The following NR3C2 variants were observed in gnomAD, a reference collection of about 807,000 sequenced individuals.
NR3C2 encodes the protein nuclear receptor subfamily 3 group C member 2.
NR3C2 carries 15 observed loss-of-function variants against 86.4 expected under a neutral mutation model. That is an observed-to-expected ratio of 0.17 (90% CI 0.12 to 0.27). NR3C2 has a LOEUF of 0.27. NR3C2 is among the 10% of genes least tolerant of loss of function. The pLI is 1.00. For missense variants in NR3C2, 960 were observed against 1,195.6 expected (o/e 0.80, Z 2.91); for synonymous variants, 458 against 450.5 (o/e 1.02, Z -0.21).
rs775989870 is a variant in NR3C2, at chr4:148,179,542, A to C, written c.2014+15204T>G. ...GGCATGAGTGAGTTCATAAAACTGC[A>C]TGTATTTCTGGGGAGGGATGAACAT... On this transcript the variant is annotated intron_variant, in intron 4 of 8. Transcript: ENST00000358102. Among the ~76,000 whole-genome samples, 23 of 151,750 alleles carry C rather than the reference A, an allele frequency of 1.5e-4. 1 individual carries two copies. The highest frequency in any genetic ancestry group is 3.1e-4 in the Non-Finnish European group (21 of 67,868).
intron 2 of NR3C2, among the ~76,000 whole-genome samples, chr4:148,297,617 G>A (rs183601396): frequency 2.0e-5 from 3 of 152,160 alleles, no homozygotes; most frequent in Non-Finnish European, 2.9e-5. Context: ...AAAGTAGACA[G>A]GTGTAGTGGT....
rs568926136 is a variant in NR3C2, at chr4:148,209,192, C to T, written c.1898-14330G>A. On this transcript the variant is annotated intron_variant, in intron 3 of 8. Transcript: ENST00000358102. ...CCAGGAGGCAGAGGTTGCAGTGAGC[C>T]GAAATAGTGCGACTGCACTCCAGCC... 8.1e-5 allele frequency among the ~76,000 whole-genome samples: 12 copies of T among 148,376 alleles called. No individual in the cohort carries two copies. The South Asian group carries it at 2.1e-3, about 26-fold the overall frequency.
chr4:148,105,602 G>A (rs1731760099), intron 8 of NR3C2, among the ~76,000 whole-genome samples: 1 of 152,196 alleles, frequency 6.6e-6, no homozygotes, highest in African/African-American at 2.4e-5. Flanking sequence ...AAATATCCCT[G>A]AGGAACATCG....
intron 3 of NR3C2, among the ~76,000 whole-genome samples, chr4:148,233,504 G>T (rs1352446208): frequency 6.6e-6 from 1 of 151,878 alleles, no homozygotes; most frequent in Non-Finnish European, 1.5e-5. Flanking sequence ...GGGACCACAG[G>T]TACATGCCAC....
At chr4:148,225,496 T>C (rs1016691118) in intron 3 of NR3C2, among the ~76,000 whole-genome samples, 4 of 152,140 alleles carry the variant, frequency 2.6e-5, no homozygotes, top group African/African-American at 9.6e-5. Flanking sequence ...CATAACAATG[T>C]TATGAATTCT....
At chr4:148,431,653 T>C (rs1397896060) in intron 2 of NR3C2, among the ~76,000 whole-genome samples, 1 of 152,300 alleles carries the variant, frequency 6.6e-6, no homozygotes, top group African/African-American at 2.4e-5. Flanking sequence ...TCTCACTGAA[T>C]GCCCACAGAC....
intron 7 of NR3C2, among the ~76,000 whole-genome samples, chr4:148,119,785 CAA>C (rs34625634): frequency 4.9e-5 from 6 of 122,066 alleles, no homozygotes; most frequent in Non-Finnish European, 6.8e-5. Context: ...GACTTCATCT[CAA>C]AAAAAAAAAA....
At chr4:148,310,526 A>C (rs72728499) in intron 2 of NR3C2, among the ~76,000 whole-genome samples, 26 of 152,082 alleles carry the variant, frequency 1.7e-4, no homozygotes, top group Non-Finnish European at 3.4e-4. Context: ...AAGATCTTTC[A>C]TAAGTCTCTA....
intron 8 of NR3C2, among the ~76,000 whole-genome samples, chr4:148,096,284 TG>T (rs1183300277): frequency 6.6e-6 from 1 of 152,246 alleles, no homozygotes; most frequent in Non-Finnish European, 1.5e-5. Flanking sequence ...GGCATGTTAC[TG>T]TATATAGAAG....
intron 4 of NR3C2, among the ~76,000 whole-genome samples, chr4:148,167,726 G>C (rs1195157959): frequency 6.6e-6 from 1 of 152,132 alleles, no homozygotes; most frequent in Non-Finnish European, 1.5e-5. Context: ...TCTATACCAG[G>C]TTACTTTTCT....
At chr4:148,362,365 G>A (rs12506058) in intron 2 of NR3C2, among the ~76,000 whole-genome samples, 18,147 of 152,130 alleles carry the variant, frequency 0.12, 1,150 homozygotes, top group Middle Eastern at 0.16. Flanking sequence ...GATGATGAAT[G>A]TATTAATTAC....
At chr4:148,118,115 G>A (rs1732352358) in intron 7 of NR3C2, among the ~76,000 whole-genome samples, 1 of 152,108 alleles carries the variant, frequency 6.6e-6, no homozygotes, top group Non-Finnish European at 1.5e-5. Flanking sequence ...GTTGGAAAAT[G>A]CCTGTGCTGT....
At chr4:148,444,043 T>A (rs1750480013), upstream of NR3C2, 1 of 985,066 alleles carries the variant, frequency 1.0e-6, no homozygotes. Context: ...CGTCCCAACT[T>A]TCCCGCGGGG....
intron 2 of NR3C2, among the ~76,000 whole-genome samples, chr4:148,424,110 A>G (rs116265571): frequency 1.3e-3 from 200 of 152,378 alleles, no homozygotes; most frequent in African/African-American, 4.6e-3. Context: ...ACTCAAAAAG[A>G]TGAAAAACAC....
intron 2 of NR3C2, among the ~76,000 whole-genome samples, chr4:148,425,896 T>G (rs1371720581): frequency 6.6e-6 from 1 of 152,166 alleles, no homozygotes; most frequent in Non-Finnish European, 1.5e-5. Flanking sequence ...TGTAAAATAG[T>G]GACGGCAGTC....
In NR3C2 at chr4:148,417,907, T is replaced by C. The variant is rs561601832; in HGVS notation, c.1757+17197A>G. 8.5e-5 allele frequency among the ~76,000 whole-genome samples: 13 copies of C among 152,308 alleles called. No individual in the cohort carries two copies. The South Asian group carries it at 2.7e-3, about 32-fold the overall frequency. Reference sequence around the variant, plus strand: ...ATTATATATTTAGTGACGTTTAATGTGTGGGGAAGAGGGAGAGATTTCTGA... The same window carrying C: ...ATTATATATTTAGTGACGTTTAATGCGTGGGGAAGAGGGAGAGATTTCTGA... On this transcript the variant is annotated intron_variant, in intron 2 of 8. Transcript: ENST00000358102.
intron 2 of NR3C2, among the ~76,000 whole-genome samples, chr4:148,326,907 A>G (rs900849342): frequency 3.9e-5 from 6 of 152,226 alleles, no homozygotes; most frequent in African/African-American, 1.4e-4. Context: ...AGGAAAATTC[A>G]AAGAGCTCAG....
rs72656811 is a variant in NR3C2 at position 148,328,163 on chromosome 4, G to A, written c.1758-68046C>T. On this transcript the variant is annotated intron_variant, in intron 2 of 8. Transcript: ENST00000358102. ...GATGAGGAAAGAGGTGGCAGCAGCC[G>A]TGGGAGGAATGGATCCTTCTACTGC... Among the ~76,000 whole-genome samples the A allele has an allele frequency of 1.6e-3, 247 of 152,304 alleles. 1 individual carries two copies. Among genetic ancestry groups the A allele is most frequent in the African/African-American group, 5.6e-3 (231 of 41,558 alleles).
chr4:148,104,573 G>A (rs72959800), intron 8 of NR3C2, among the ~76,000 whole-genome samples: 3 of 152,048 alleles, frequency 2.0e-5, no homozygotes, highest in African/African-American at 4.8e-5. Context: ...TCGATCTCTC[G>A]ATGTCTCTTA....
Sources: allele counts gnomAD v4.1 joint callset (sites outside exome capture counted in the v4.1 genomes callset), GRCh38; gene constraint gnomAD v4.1.1; transcripts MANE v1.5; gene names NCBI Gene and HGNC (gene_info 2026-07-23, HGNC 2026-07-21).